Variants in PPFIA1 observed in about 807,000 individuals in gnomAD.
PPFIA1 encodes the protein PPFI scaffold protein A1.
In PPFIA1, 25 loss-of-function variants were observed where a neutral mutation model predicts 149.9. The observed-to-expected ratio is 0.17, with a 90% CI of 0.12 to 0.23. The LOEUF (loss-of-function observed/expected upper bound fraction) is 0.23. PPFIA1 is among the 10% of genes least tolerant of loss of function. The probability of loss-of-function intolerance (pLI) is 1.00; values close to 1 mark genes in which losing one functional copy is unlikely to be tolerated. For synonymous variants in PPFIA1, 549 were observed against 552.8 expected (o/e 0.99, Z 0.10); for missense variants, 1,362 against 1,506.5 (o/e 0.90, Z 1.59).
At chr11:70,378,290 A>G (rs2057568785) in intron 26 of PPFIA1, 95 bp downstream of exon 26, 5 of 1,475,124 alleles carry the variant, frequency 3.4e-6, no homozygotes, top group Non-Finnish European at 4.5e-6. Context: ...CCTATTTAAT[A>G]TGTTACAAGG....
At position 70,343,905 on chromosome 11, in the gene PPFIA1, G is replaced by T; in HGVS notation, c.1931+13G>T. On this transcript the variant is annotated intron_variant, in intron 15 of 27. Transcript: ENST00000253925. ...ACAAAGAGATCAGGTGTGTGCAACC[G>T]TGCATGACACTCACCACACGCATGG... The T allele has an allele frequency of 6.2e-7, 1 of 1,605,658 alleles. No individual in the cohort carries two copies. Among genetic ancestry groups the T allele is most frequent in the East Asian group, 2.2e-5 (1 of 44,642 alleles).
At chr11:70,283,029 G>A (rs562859133) in intron 2 of PPFIA1, among the ~76,000 whole-genome samples, 5 of 150,996 alleles carry the variant, frequency 3.3e-5, no homozygotes, top group African/African-American at 4.9e-5. Flanking sequence ...TAGTAGAGAC[G>A]GGGTTTCACC....
At chr11:70,343,328 C>T (rs1470487899) in intron 14 of PPFIA1, among the ~76,000 whole-genome samples, 1 of 152,214 alleles carries the variant, frequency 6.6e-6, no homozygotes, top group Non-Finnish European at 1.5e-5. Flanking sequence ...GCTATATTTG[C>T]AGCCATTGAT....
chr11:70,308,064 T>C (rs1355845556), intron 2 of PPFIA1, among the ~76,000 whole-genome samples: 2 of 152,242 alleles, frequency 1.3e-5, no homozygotes, highest in Non-Finnish European at 2.9e-5. Context: ...TTTATTTATT[T>C]TGAGATGGAG....
chr11:70,372,284 C>A lies in PPFIA1; in HGVS notation c.2935C>A (p.Gln979Lys), dbSNP rs780822312. 1.9e-6 allele frequency: 3 copies of A among 1,614,238 alleles called. No individual in the cohort carries two copies. Among genetic ancestry groups the A allele is most frequent in the South Asian group, 2.2e-5 (2 of 91,086 alleles). Residue 979 changes from glutamine to lysine, a missense_variant, in exon 22 of 28, where the codon CAG becomes AAG. Gln to Lys is a moderately conservative substitution (Grantham distance 53, BLOSUM62 1). This residue lies in a region of PPFIA1 where 349 missense variants were observed against 373.3 expected (regional missense o/e 0.93). Coordinates refer to ENST00000253925, the MANE Select transcript of PPFIA1 (RefSeq NM_003626.5). ...NEWLPSLGLP[Q>K]YRSYFMECLV... The stretch of plus-strand genomic sequence containing the variant: ...GTGGCTCCCCAGCCTGGGCCTCCCC[C>A]AGTACCGCAGCTACTTCATGGAGTG...
chr11:70,326,913 C>A, intron 7 of PPFIA1, 95 bp downstream of exon 7: 1 of 1,002,152 alleles, frequency 1.0e-6, no homozygotes, highest in South Asian at 1.5e-5. Flanking sequence ...CTCTTACTCT[C>A]CCAATTACTT....
Position 70,338,459 on chromosome 11 carries a change from G to T in PPFIA1, c.1571+6G>T. ...GGTGCTTCACTTCATCATGGGTATGGTATTAACCAGTGAGCAGCCATATTG... is the reference window on the plus strand; with the variant it reads ...GGTGCTTCACTTCATCATGGGTATGTTATTAACCAGTGAGCAGCCATATTG... On this transcript the variant is annotated splice_donor_region_variant and intron_variant, in intron 13 of 27. Coordinates refer to ENST00000253925, the MANE Select transcript of PPFIA1 (RefSeq NM_003626.5). The T allele has an allele frequency of 6.2e-7, 1 of 1,600,324 alleles. No individual in the cohort carries two copies. The highest frequency in any genetic ancestry group is 8.6e-7 in the Non-Finnish European group (1 of 1,167,792).
chr11:70,345,933 T>C, intron 15 of PPFIA1: 1 of 450,576 alleles, frequency 2.2e-6, no homozygotes, highest in Non-Finnish European at 4.5e-6. Flanking sequence ...CTGGAGCTCT[T>C]CAGGAGTGCA....
chr11:70,291,126 C>G (rs969744102), intron 2 of PPFIA1, among the ~76,000 whole-genome samples: 1 of 152,160 alleles, frequency 6.6e-6, no homozygotes, highest in African/African-American at 2.4e-5. Flanking sequence ...CTCAGGTTAT[C>G]CACCAGCTCC....
At chr11:70,340,664 G>A (rs904506002) in intron 14 of PPFIA1, among the ~76,000 whole-genome samples, 1 of 152,080 alleles carries the variant, frequency 6.6e-6, no homozygotes, top group Non-Finnish European at 1.5e-5. Context: ...AAAACAGGAA[G>A]AATGCCTGCA....
intron 2 of PPFIA1, among the ~76,000 whole-genome samples, chr11:70,318,475 TTCCCACC>T (rs2053759312): frequency 6.6e-6 from 1 of 152,226 alleles, no homozygotes; most frequent in Non-Finnish European, 1.5e-5. Flanking sequence ...GACTCATCAG[TTCCCACC>T]TCCCCACTGG....
At position 70,348,348 on chromosome 11, in the gene PPFIA1, T is replaced by C; in HGVS notation, c.2091T>C (p.Ser697=). ...TTGCTAGCTCCTCCCCTCCGGGCAG[T>C]GGGCGCTCCACCCCACGAAGGATCC... ...SSLASSSPPG[S]GRSTPRRIPH... Residue 697 remains serine (S), a synonymous_variant, in exon 16 of 28, where the codon AGT becomes AGC. Coordinates refer to ENST00000253925, the MANE Select transcript of PPFIA1 (RefSeq NM_003626.5). 2 of 1,614,138 alleles carry C rather than the reference T, an allele frequency of 1.2e-6. No individual in the cohort carries two copies. Among genetic ancestry groups the C allele is most frequent in the Non-Finnish European group, 1.7e-6 (2 of 1,180,004 alleles).
intron 2 of PPFIA1, among the ~76,000 whole-genome samples, chr11:70,290,970 C>G (rs889408401): frequency 6.6e-6 from 1 of 152,220 alleles, no homozygotes; most frequent in African/African-American, 2.4e-5. Flanking sequence ...ACTGCAACCT[C>G]TGCCTACCAG....
intron 2 of PPFIA1, among the ~76,000 whole-genome samples, chr11:70,321,939 G>A (rs1371893998): frequency 6.6e-6 from 1 of 152,082 alleles, no homozygotes; most frequent in African/African-American, 2.4e-5. Flanking sequence ...GTGCAATCTC[G>A]GCCCACCGGA....
At chr11:70,332,171 G>C in intron 9 of PPFIA1, 77 bp downstream of exon 9, 1 of 1,463,442 alleles carries the variant, frequency 6.8e-7, no homozygotes, top group Non-Finnish European at 9.0e-7. Flanking sequence ...GTTTGTCACT[G>C]TTCTTATTAC....
In PPFIA1 at chr11:70,362,293, G is replaced by C. The variant is rs777954879; in HGVS notation, c.2670G>C (p.Trp890Cys). 1.9e-6 allele frequency: 3 copies of C among 1,614,132 alleles called. No individual in the cohort carries two copies. The highest frequency in any genetic ancestry group is 2.2e-5 in the East Asian group (1 of 44,884). The change falls in exon 21 of 28, where the codon TGG (tryptophan) becomes TGC (cysteine). Residue 890 changes from tryptophan (W) to cysteine (C), a missense_variant. Transcript: ENST00000253925. ...GPTVVVWLEL[W>C]VGMPAWYVAA... ...CTTCCGCTTTCCGCCTCCAGCTCTG[G>C]GTTGGGATGCCAGCCTGGTATGTGG... is the stretch of plus-strand genomic sequence containing the variant.
At position 70,362,016 on chromosome 11, in the gene PPFIA1, C is replaced by T. The variant is rs534178699; in HGVS notation, c.2583-79C>T. The T allele has an allele frequency of 6.6e-6, 9 of 1,354,354 alleles. No homozygotes were observed. In the East Asian group the frequency reaches 1.1e-4, roughly 17 times the overall value. The allele number at this position is 1,354,354 out of a possible 1,614,324, so 83.9% of individuals were successfully genotyped here. On this transcript the variant is annotated intron_variant, in intron 19 of 27. Coordinates refer to ENST00000253925, the MANE Select transcript of PPFIA1 (RefSeq NM_003626.5). ...GCTCAAGTGGTCCTCCTGCCTTGGCCTCCCAGAGAGCTGGGATTACAGGTG... is the reference window on the plus strand; with the variant it reads ...GCTCAAGTGGTCCTCCTGCCTTGGCTTCCCAGAGAGCTGGGATTACAGGTG...
chr11:70,331,234 CAA>C (rs59451597), intron 8 of PPFIA1, among the ~76,000 whole-genome samples: 24 of 109,440 alleles, frequency 2.2e-4, no homozygotes, highest in African/African-American at 4.6e-4. Flanking sequence ...GACTCCGTCT[CAA>C]AAAAAAAAAA....
chr11:70,350,193 G>A (rs1309768632), intron 16 of PPFIA1, among the ~76,000 whole-genome samples: 13 of 152,186 alleles, frequency 8.5e-5, no homozygotes, highest in Non-Finnish European at 1.9e-4. Flanking sequence ...ATACAGGCAA[G>A]ACATAGGTGT....
Sources: allele counts gnomAD v4.1 joint callset (sites outside exome capture counted in the v4.1 genomes callset), GRCh38; gene constraint gnomAD v4.1.1; regional missense constraint gnomAD v4.1.1; transcripts MANE v1.5; gene names NCBI Gene and HGNC (gene_info 2026-07-23, HGNC 2026-07-21).